The following OCEL1 variants were observed in gnomAD, a reference collection of about 807,000 sequenced individuals.
The protein encoded by OCEL1 is occludin/ELL domain-containing protein 1.
OCEL1 carries 24 observed loss-of-function variants against 29.4 expected under a neutral mutation model. The observed-to-expected ratio is 0.82, with a 90% CI of 0.59 to 1.15. The LOEUF is 1.15. Ranked by LOEUF, OCEL1 falls within the 50% of genes most tolerant of loss-of-function variation. OCEL1 has a pLI of 0.00. For missense variants in OCEL1, 402 were observed against 352.5 expected (o/e 1.14, Z -1.13); for synonymous variants, 172 against 145.3 (o/e 1.18, Z -1.32).
At chr19:17,227,488 C>A (rs568415491) in intron 3 of OCEL1, among the ~76,000 whole-genome samples, 1 of 152,044 alleles carries the variant, frequency 6.6e-6, no homozygotes, top group African/African-American at 2.4e-5. Flanking sequence ...GTCAGGAGTT[C>A]GAGACCAGCC....
chr19:17,228,110 C>T lies in OCEL1; in HGVS notation c.618+105C>T, dbSNP rs574190767. The stretch of plus-strand genomic sequence containing the variant: ...AGATTTCCAGGACTCTTTCTCCTCT[C>T]GGTTGGCTGGGCGCCGTGACACATG... On this transcript the variant is annotated intron_variant, in intron 4 of 5. Transcript: ENST00000215061. 52 of 1,544,132 alleles carry T rather than the reference C, an allele frequency of 3.4e-5. No homozygotes were observed. In the East Asian group the frequency reaches 5.9e-4, roughly 17 times the overall value.
chr19:17,228,441 AGT>A, intron 5 of OCEL1, 132 bp downstream of exon 5: 1 of 926,324 alleles, frequency 1.1e-6, no homozygotes, highest in Admixed American at 2.3e-5. Flanking sequence ...GCGGGAGTGC[AGT>A]GGTATGATCT....
chr19:17,226,962 G>A (rs749370414), intron 2 of OCEL1, 32 bp from the exon 3 acceptor site: 11 of 1,548,310 alleles, frequency 7.1e-6, no homozygotes, highest in Non-Finnish European at 9.5e-6. Flanking sequence ...CCGACACCCC[G>A]ATTTAACTCC....
chr19:17,228,362 C>G (rs368563667), intron 5 of OCEL1, 53 bp downstream of exon 5: 1 of 1,544,926 alleles, frequency 6.5e-7, no homozygotes, highest in South Asian at 1.2e-5. Context: ...TTCTGTGAGG[C>G]TGGGGTGCCT....
chr19:17,228,680 G>C (rs2073385731), intron 5 of OCEL1, 123 bp from the exon 6 acceptor site: 2 of 1,380,080 alleles, frequency 1.4e-6, no homozygotes, highest in South Asian at 2.8e-5. Context: ...GGCTCACCCG[G>C]TCGCCTGTGC....
At chr19:17,226,392 G>C in intron 1 of OCEL1, 76 bp downstream of exon 1, 3 of 1,528,060 alleles carry the variant, frequency 2.0e-6, no homozygotes, top group Non-Finnish European at 2.7e-6. Flanking sequence ...GGGCGCGGTC[G>C]TCTGTGGGCT....
chr19:17,226,862 G>C lies in OCEL1; in HGVS notation c.239G>C (p.Gly80Ala). 5 of 1,531,230 alleles carry C rather than the reference G, an allele frequency of 3.3e-6. No individual in the cohort carries two copies. Among genetic ancestry groups the C allele is most frequent in the Non-Finnish European group, 4.4e-6 (5 of 1,145,230 alleles). The allele number at this position is 1,531,230 out of a possible 1,614,324, so 94.9% of individuals were successfully genotyped here. ...CTGCATACTCACCCGCCTGGGCCTG[G>C]GCCCCCGGTGAGCCTGACCGGGAGG... Reference protein sequence around the residue: ...GHLHTHPPGPGPPLQGLAPRG... With the variant: ...GHLHTHPPGPAPPLQGLAPRG... The change falls in exon 2 of 6, where the codon GGG becomes GCG. Residue 80 changes from glycine to alanine, a missense_variant. Coordinates refer to ENST00000215061, the MANE Select transcript of OCEL1 (RefSeq NM_024578.3).
At chr19:17,227,650 C>T (rs1211640118) in intron 3 of OCEL1, among the ~76,000 whole-genome samples, 190 bp from the exon 4 acceptor site, 1 of 152,172 alleles carries the variant, frequency 6.6e-6, no homozygotes, top group Admixed American at 6.5e-5. Flanking sequence ...GAGATCGCTA[C>T]ACTGCACTCC....
At position 17,228,020 on chromosome 19, in the gene OCEL1, G is replaced by T. The variant is rs2073378196; in HGVS notation, c.618+15G>T. 6.2e-7 allele frequency: 1 copy of T among 1,610,312 alleles called. No homozygotes were observed. The highest frequency in any genetic ancestry group is 1.1e-5 in the South Asian group (1 of 90,954). ...CCCAAAGCCAGGTCAGCACTAGGGA[G>T]AAAGCCCTGCCCCGCAGCCCTTCTG... On this transcript the variant is annotated intron_variant, in intron 4 of 5. Coordinates refer to ENST00000215061, the MANE Select transcript of OCEL1 (RefSeq NM_024578.3).
rs755260326 is a variant in OCEL1 at position 17,226,315 on chromosome 19, A to G, written c.68A>G (p.Gln23Arg). ...DPGSELQTLGQAARRPPPPRA... is the reference protein window; with the variant it reads ...DPGSELQTLGRAARRPPPPRA... ...GGCTCGGAGCTCCAGACGCTGGGAC[A>G]GGTGACCCGGGGCGGTAGCGAGCCG... Residue 23 changes from glutamine to arginine, a missense_variant and splice_region_variant, in exon 1 of 6, where the codon CAG becomes CGG. Transcript: ENST00000215061. 1 of 1,611,496 alleles carries G rather than the reference A, an allele frequency of 6.2e-7. No homozygotes were observed. Among genetic ancestry groups the G allele is most frequent in the East Asian group, 2.2e-5 (1 of 44,782 alleles).
chr19:17,226,301 C>A lies in OCEL1; in HGVS notation c.54C>A (p.Leu18=), dbSNP rs1475998229. The change falls in exon 1 of 6, where the codon CTC becomes CTA. Residue 18 remains leucine (L), a synonymous_variant. Transcript: ENST00000215061. ...ASPTADPGSE[L]QTLGQAARRP... is the part of the protein sequence containing the mutation. ...CGACAGCAGATCCAGGCTCGGAGCT[C>A]CAGACGCTGGGACAGGTGACCCGGG... 5.6e-6 allele frequency: 9 copies of A among 1,612,188 alleles called. No homozygotes were observed. Among genetic ancestry groups the A allele is most frequent in the Non-Finnish European group, 7.6e-6 (9 of 1,179,536 alleles).
At chr19:17,228,354 C>T (rs750371738) in intron 5 of OCEL1, 45 bp downstream of exon 5, 2 of 1,585,050 alleles carry the variant, frequency 1.3e-6, no homozygotes, top group Non-Finnish European at 1.7e-6. Flanking sequence ...CCTGAGACTT[C>T]TGTGAGGCTG....
rs891203 is a variant in OCEL1, at chr19:17,227,073, C to G, written c.326C>G (p.Ala109Gly). ...CAGCCCCAGCCGGGACCCCACAAGG[C>G]AAAGACCAAGAAGATTGTGTTTGAG... ...PCQPQPGPHK[A>G]KTKKIVFEDE... The change falls in exon 3 of 6, where the codon GCA becomes GGA. Residue 109 changes from alanine (A) to glycine (G), a missense_variant. Coordinates refer to ENST00000215061, the MANE Select transcript of OCEL1 (RefSeq NM_024578.3). The G allele has an allele frequency of 0.14, 217,324 of 1,598,832 alleles. 17,627 individuals carry two copies. Among genetic ancestry groups the G allele is most frequent in the African/African-American group, 0.27 (20,263 of 73,796 alleles).
In OCEL1 at chr19:17,229,057, G is replaced by A; in HGVS notation, c.*132G>A. The A allele has an allele frequency of 2.8e-6, 3 of 1,074,682 alleles. No individual in the cohort carries two copies. Among genetic ancestry groups the A allele is most frequent in the Non-Finnish European group, 3.9e-6 (3 of 767,756 alleles). The allele number at this position is 1,074,682 out of a possible 1,614,324, so 66.6% of individuals were successfully genotyped here. ...CTCCTGGATTGCAAATGCCTCTTCA[G>A]TTTGGACTCAGCTCTGACAGCCCCT... is the stretch of plus-strand genomic sequence containing the variant. On this transcript the variant is annotated 3_prime_UTR_variant, in exon 6 of 6. Coordinates refer to ENST00000215061, the MANE Select transcript of OCEL1 (RefSeq NM_024578.3).
In OCEL1 at chr19:17,229,094, GC is replaced by G. The variant is rs1296372379; in HGVS notation, c.*171del. The G allele has an allele frequency of 6.0e-6, 4 of 664,366 alleles. No homozygotes were observed. The highest frequency in any genetic ancestry group is 9.6e-6 in the Non-Finnish European group (4 of 415,946). 41.2% of individuals were successfully genotyped at this position (664,366 alleles called of 1,614,324 possible). A position where few individuals can be genotyped will look rare whatever the true frequency, so the allele number is the denominator to read the frequency against. On this transcript the variant is annotated 3_prime_UTR_variant, in exon 6 of 6. Transcript: ENST00000215061. ...CTCTGACAGCCCCTCCTCCAGGAAG[GC>G]CTTCCAGGACTTCCTCCTCTGGGTC...
intron 3 of OCEL1, 83 bp from the exon 4 acceptor site, chr19:17,227,757 G>T: frequency 6.9e-7 from 1 of 1,450,524 alleles, no homozygotes; most frequent in South Asian, 1.2e-5. Context: ...GGCCCAGCAT[G>T]GACAAAGAAA....
chr19:17,228,792 G>C lies in OCEL1; in HGVS notation c.673-11G>C. The C allele has an allele frequency of 6.2e-7, 1 of 1,611,498 alleles. No individual in the cohort carries two copies. Among genetic ancestry groups the C allele is most frequent in the Non-Finnish European group, 8.5e-7 (1 of 1,179,400 alleles). ...ACTGCTGCAAAGACTTCCGGGTCTC[G>C]CCCTGCCTAGGATCCTGGCTTCCTG... On this transcript the variant is annotated splice_polypyrimidine_tract_variant and intron_variant, in intron 5 of 5. Transcript: ENST00000215061.
At chr19:17,227,500 G>A (rs937006393) in intron 3 of OCEL1, among the ~76,000 whole-genome samples, 3 of 152,104 alleles carry the variant, frequency 2.0e-5, no homozygotes, top group Non-Finnish European at 4.4e-5. Context: ...AGACCAGCCC[G>A]GCCAACATTG....
chr19:17,227,882 T>C lies in OCEL1; in HGVS notation c.495T>C (p.Tyr165=). ...PVSSERERSR[Y]VAVFQDQYGE... is the part of the protein sequence containing the mutation. ...GCAGTGAGAGGGAACGGAGCCGCTA[T>C]GTCGCAGTGTTCCAGGACCAGTACG... Residue 165 remains tyrosine (Y), a synonymous_variant, in exon 4 of 6, where the codon TAT becomes TAC. Transcript: ENST00000215061. 1 of 1,613,938 alleles carries C rather than the reference T, an allele frequency of 6.2e-7. No individual in the cohort carries two copies. Among genetic ancestry groups the C allele is most frequent in the Non-Finnish European group, 8.5e-7 (1 of 1,180,012 alleles).
Sources: allele counts gnomAD v4.1 joint callset (sites outside exome capture counted in the v4.1 genomes callset), GRCh38; gene constraint gnomAD v4.1.1; transcripts MANE v1.5; gene names NCBI Gene and HGNC (gene_info 2026-07-23, HGNC 2026-07-21).